The following SLIT3 variants were observed in gnomAD, a reference collection of about 807,000 sequenced individuals.
SLIT3 encodes the protein slit guidance ligand 3.
In SLIT3, 68 loss-of-function variants were observed where a neutral mutation model predicts 184.0. That is an observed-to-expected ratio of 0.37 (90% confidence interval 0.30 to 0.45). SLIT3 has a LOEUF of 0.45. SLIT3 is among the 20% of genes least tolerant of loss of function. The probability of loss-of-function intolerance (pLI) is 1.00; values close to 1 mark genes in which losing one functional copy is unlikely to be tolerated. For synonymous variants in SLIT3, 831 were observed against 828.6 expected, an observed-to-expected ratio of 1.00 and a Z score of -0.05; for missense variants, 1,707 against 2,026.0, an observed-to-expected ratio of 0.84 and a Z score of 3.02.
At chr5:168,833,388 A>T (rs1204659644) in intron 6 of SLIT3, among the ~76,000 whole-genome samples, 2 of 152,188 alleles carry the variant, frequency 1.3e-5, no homozygotes, top group African/African-American at 4.8e-5. Flanking sequence ...GCTTGGGCTA[A>T]CTGGGCTCAG....
intron 4 of SLIT3, among the ~76,000 whole-genome samples, chr5:169,046,095 G>A (rs1278521603): frequency 6.6e-6 from 1 of 152,166 alleles, no homozygotes; most frequent in African/African-American, 2.4e-5. Flanking sequence ...GGACAAAGAA[G>A]TAGGAGACAG....
chr5:168,926,579 C>G (rs1761831178), intron 4 of SLIT3, among the ~76,000 whole-genome samples: 1 of 152,214 alleles, frequency 6.6e-6, no homozygotes, highest in Non-Finnish European at 1.5e-5. Context: ...TTTCTACAAT[C>G]TGGATCTAAC....
intron 4 of SLIT3, among the ~76,000 whole-genome samples, chr5:169,103,505 G>A (rs1760093010): frequency 6.6e-6 from 1 of 152,230 alleles, no homozygotes; most frequent in Non-Finnish European, 1.5e-5. Flanking sequence ...GCAAGTGGCT[G>A]TCAGGTCCCC....
At chr5:168,813,326 A>C (rs973918204) in intron 8 of SLIT3, among the ~76,000 whole-genome samples, 32 of 152,140 alleles carry the variant, frequency 2.1e-4, no homozygotes, top group African/African-American at 7.5e-4. Context: ...AAAAAAAAAA[A>C]AAAACCAACA....
chr5:169,268,748 T>A (rs1033862443), intron 1 of SLIT3, among the ~76,000 whole-genome samples: 2 of 152,238 alleles, frequency 1.3e-5, no homozygotes, highest in Non-Finnish European at 2.9e-5. Flanking sequence ...GTTTTTGAGA[T>A]GCTCAAGTGA....
chr5:169,120,005 T>C (rs1352894882), intron 4 of SLIT3: 2 of 152,214 alleles, frequency 1.3e-5, no homozygotes, highest in East Asian at 3.9e-4. Context: ...ATAGCTACGT[T>C]CATCAGCTTT....
chr5:168,989,705 A>G (rs1337701758), intron 4 of SLIT3, among the ~76,000 whole-genome samples: 3 of 152,230 alleles, frequency 2.0e-5, no homozygotes, highest in African/African-American at 4.8e-5. Context: ...CACTGTTCCC[A>G]TAGCCACCCT....
At chr5:168,846,221 A>G (rs1758459907) in intron 5 of SLIT3, among the ~76,000 whole-genome samples, 1 of 152,148 alleles carries the variant, frequency 6.6e-6, no homozygotes, top group South Asian at 2.1e-4. Context: ...GAAGATTTAG[A>G]TATTTAGACT....
intron 5 of SLIT3, among the ~76,000 whole-genome samples, chr5:168,855,828 A>G (rs1002358487): frequency 6.6e-6 from 1 of 152,168 alleles, no homozygotes; most frequent in Admixed American, 6.6e-5. Context: ...CTCTTTGCCT[A>G]AACTGACATT....
chr5:168,702,504 A>G (rs1170775902), intron 26 of SLIT3, among the ~76,000 whole-genome samples: 2 of 152,142 alleles, frequency 1.3e-5, no homozygotes, highest in Non-Finnish European at 2.9e-5. Flanking sequence ...CACAGATGGG[A>G]GTGCACATTC....
At chr5:169,083,670 G>A (rs932373734) in intron 4 of SLIT3, among the ~76,000 whole-genome samples, 1 of 152,166 alleles carries the variant, frequency 6.6e-6, no homozygotes, top group African/African-American at 2.4e-5. Context: ...ACCAAACACG[G>A]TCAGGGCTGC....
chr5:169,160,489 G>A (rs888513179), intron 4 of SLIT3, among the ~76,000 whole-genome samples: 2 of 152,220 alleles, frequency 1.3e-5, no homozygotes, highest in Non-Finnish European at 2.9e-5. Context: ...GCGATGATGA[G>A]TTCAGAAAAA....
intron 5 of SLIT3, among the ~76,000 whole-genome samples, chr5:168,852,522 C>T (rs138606495): frequency 6.6e-6 from 1 of 152,338 alleles, no homozygotes; most frequent in East Asian, 1.9e-4. Context: ...CATCCCCACT[C>T]AGGGTCGAGG....
chr5:168,804,614 G>A (rs1581100314), intron 9 of SLIT3, among the ~76,000 whole-genome samples: 1 of 152,186 alleles, frequency 6.6e-6, no homozygotes, highest in East Asian at 1.9e-4. Context: ...CGCAGAAGGC[G>A]GAGAGGGCAG....
intron 28 of SLIT3, 135 bp from the exon 29 acceptor site, chr5:168,692,835 T>C: frequency 1.6e-6 from 1 of 627,110 alleles, no homozygotes; most frequent in Non-Finnish European, 2.9e-6. Flanking sequence ...GGCATGGACG[T>C]CAGGAGTCCT....
intron 4 of SLIT3, among the ~76,000 whole-genome samples, chr5:168,952,497 C>T (rs1454483261): frequency 2.9e-5 from 4 of 136,446 alleles, no homozygotes; most frequent in Admixed American, 7.6e-5. Flanking sequence ...TCCAACATTT[C>T]CCCACAATCT....
intron 4 of SLIT3, among the ~76,000 whole-genome samples, chr5:168,923,481 C>A (rs1192225749): frequency 1.3e-5 from 2 of 151,620 alleles, no homozygotes; most frequent in Non-Finnish European, 2.9e-5. Flanking sequence ...TCTTCACAAA[C>A]ATAAATATGA....
chr5:169,094,565 G>T (rs1759709968), intron 4 of SLIT3, among the ~76,000 whole-genome samples: 1 of 152,242 alleles, frequency 6.6e-6, no homozygotes, highest in South Asian at 2.1e-4. Context: ...AGGAGATGGA[G>T]GTTGCAGTGA....
At chr5:168,965,873 T>C (rs1397754758) in intron 4 of SLIT3, among the ~76,000 whole-genome samples, 2 of 152,198 alleles carry the variant, frequency 1.3e-5, no homozygotes, top group Admixed American at 1.3e-4. Context: ...TCTCTCTCTC[T>C]GTACTTCATC....
Sources: allele counts gnomAD v4.1 joint callset (sites outside exome capture counted in the v4.1 genomes callset), GRCh38; gene constraint gnomAD v4.1.1; transcripts MANE v1.5; gene names NCBI Gene and HGNC (gene_info 2026-07-23, HGNC 2026-07-21).